Variants in TAMM41 observed in about 807,000 individuals in gnomAD.
The protein encoded by TAMM41 is TAM41 mitochondrial translocator assembly and maintenance homolog.
In TAMM41, 36 loss-of-function variants were observed where a neutral mutation model predicts 44.1. The ratio of observed to expected loss-of-function variants is 0.82; its 90% CI spans 0.63 to 1.08. TAMM41 has a LOEUF of 1.08. Among genes scored for constraint, TAMM41 ranks in the 50% least tolerant of loss-of-function variants. The pLI, the probability that TAMM41 is intolerant of heterozygous loss-of-function variation, is 0.00. For synonymous variants in TAMM41, 164 were observed against 153.1 expected (o/e 1.07, Z -0.53); for missense variants, 417 against 404.3 (o/e 1.03, Z -0.27).
downstream of TAMM41, among the ~76,000 whole-genome samples, chr3:11,787,015 C>G (rs2077421767): frequency 6.6e-6 from 1 of 152,172 alleles, no homozygotes; most frequent in Non-Finnish European, 1.5e-5. Context: ...GTCACAGTGG[C>G]TGGGGCTGGA....
chr3:11,828,950 T>G (rs1000411767), intron 4 of TAMM41, among the ~76,000 whole-genome samples: 3 of 152,152 alleles, frequency 2.0e-5, no homozygotes, highest in Non-Finnish European at 4.4e-5. Flanking sequence ...TTTTCAAACT[T>G]TTTAAAAAGC....
At chr3:11,786,307 A>T (rs1173055524), downstream of TAMM41, among the ~76,000 whole-genome samples, 3 of 145,278 alleles carry the variant, frequency 2.1e-5, no homozygotes, top group African/African-American at 7.5e-5. Context: ...TATTATTATT[A>T]TTATTATTAT....
At chr3:11,793,483 C>T (rs889156587) in intron 7 of TAMM41, among the ~76,000 whole-genome samples, 1 of 152,154 alleles carries the variant, frequency 6.6e-6, no homozygotes, top group Non-Finnish European at 1.5e-5. Flanking sequence ...GTATTCTACC[C>T]CTCAGTACAT....
At chr3:11,837,691 C>T (rs1448730897) in intron 3 of TAMM41, among the ~76,000 whole-genome samples, 1 of 152,146 alleles carries the variant, frequency 6.6e-6, no homozygotes, top group Non-Finnish European at 1.5e-5. Flanking sequence ...AAGGATCCCA[C>T]GACTCAGGCA....
chr3:11,807,934 A>C (rs1156627975), intron 6 of TAMM41, 39 bp from the exon 7 acceptor site: 1 of 1,487,376 alleles, frequency 6.7e-7, no homozygotes, highest in South Asian at 1.3e-5. Context: ...AAAAAAACCC[A>C]AAACAGATGT....
the TAMM41 span, among the ~76,000 whole-genome samples, chr3:11,734,223 G>C: frequency 0.2 from 29,811 of 152,098 alleles, 4,709 homozygotes; most frequent in African/African-American, 0.43. Context: ...GGGATGACAA[G>C]TTGGCTTTTG....
chr3:11,784,906 G>A, the TAMM41 span, among the ~76,000 whole-genome samples: 1 of 150,078 alleles, frequency 6.7e-6, no homozygotes, highest in African/African-American at 2.5e-5. Context: ...GGGTTCAAGT[G>A]ATTCTCCAGC....
chr3:11,843,229 T>C (rs1028862062), intron 2 of TAMM41, among the ~76,000 whole-genome samples: 1 of 152,198 alleles, frequency 6.6e-6, no homozygotes, highest in Admixed American at 6.5e-5. Flanking sequence ...GGCCTGCCTA[T>C]TCCTCCCACT....
rs1349988868 is a variant in TAMM41, at chr3:11,813,850, GTGTGTGTA to G, written c.708+3334_708+3341del. On this transcript the variant is annotated intron_variant, in intron 5 of 7. Coordinates refer to ENST00000455809, the MANE Select transcript of TAMM41 (RefSeq NM_001284401.2). ...TATATGTGTGTGTGTGTGTGTGTGT[GTGTGTGTA>G]TGTATGTATATATATGTATATATGT... Among the ~76,000 whole-genome samples, 1,475 of 150,506 alleles carry G rather than the reference GTGTGTGTA, an allele frequency of 9.8e-3. 31 individuals are homozygous for G. Among genetic ancestry groups the G allele is most frequent in the African/African-American group, 0.035 (1,400 of 40,516 alleles).
chr3:11,771,516 T>A, the TAMM41 span, among the ~76,000 whole-genome samples: 1 of 152,100 alleles, frequency 6.6e-6, no homozygotes, highest in East Asian at 1.9e-4. Context: ...TTTATTTGAG[T>A]CGGAGTTTTG....
chr3:11,841,734 C>G (rs139663515), intron 2 of TAMM41, among the ~76,000 whole-genome samples: 21 of 152,306 alleles, frequency 1.4e-4, no homozygotes, highest in African/African-American at 4.6e-4. Context: ...GCCTTTTCCC[C>G]CCAACTCCAG....
chr3:11,833,614 C>T (rs1363984371), intron 3 of TAMM41, among the ~76,000 whole-genome samples: 1 of 152,186 alleles, frequency 6.6e-6, no homozygotes, highest in African/African-American at 2.4e-5. Flanking sequence ...GGACAAGCAA[C>T]ATGATATCAT....
At chr3:11,834,789 T>G (rs2125045748) in intron 3 of TAMM41, among the ~76,000 whole-genome samples, 1 of 152,272 alleles carries the variant, frequency 6.6e-6, no homozygotes, top group Non-Finnish European at 1.5e-5. Context: ...TGGGTTCAAG[T>G]GATTCTCCTG....
intron 1 of TAMM41, among the ~76,000 whole-genome samples, chr3:11,845,846 A>T (rs929171032): frequency 6.6e-6 from 1 of 152,204 alleles, no homozygotes; most frequent in African/African-American, 2.4e-5. Context: ...GCCAACTCTG[A>T]AAAGTAACAA....
At chr3:11,757,727 G>C in the TAMM41 span, among the ~76,000 whole-genome samples, 1 of 152,112 alleles carries the variant, frequency 6.6e-6, no homozygotes, top group Non-Finnish European at 1.5e-5. Flanking sequence ...CTGATTCTGC[G>C]ATTTAGAAGC....
At chr3:11,733,145 C>T in the TAMM41 span, among the ~76,000 whole-genome samples, 1 of 151,680 alleles carries the variant, frequency 6.6e-6, no homozygotes, top group Non-Finnish European at 1.5e-5. Context: ...ACTACAGGCG[C>T]CTGCCACCAT....
At chr3:11,779,851 A>G in the TAMM41 span, among the ~76,000 whole-genome samples, 1 of 152,052 alleles carries the variant, frequency 6.6e-6, no homozygotes, top group Non-Finnish European at 1.5e-5. Flanking sequence ...CTATCCCCAA[A>G]TGTGCCCCTC....
the TAMM41 span, among the ~76,000 whole-genome samples, chr3:11,769,193 G>A: frequency 3.9e-4 from 60 of 152,104 alleles, no homozygotes; most frequent in Admixed American, 1.7e-3. Flanking sequence ...GGGTTCAAGC[G>A]ATTCTCCTGC....
intron 7 of TAMM41, among the ~76,000 whole-genome samples, chr3:11,791,238 G>C (rs980829743): frequency 6.6e-6 from 1 of 152,178 alleles, no homozygotes; most frequent in Non-Finnish European, 1.5e-5. Flanking sequence ...ACAGGACCCA[G>C]AACACAGCAG....
Sources: allele counts gnomAD v4.1 joint callset (sites outside exome capture counted in the v4.1 genomes callset), GRCh38; gene constraint gnomAD v4.1.1; transcripts MANE v1.5; gene names NCBI Gene and HGNC (gene_info 2026-07-23, HGNC 2026-07-21).